IQCM: variants seen among roughly 807,000 people sequenced by gnomAD.
IQCM encodes the protein IQ domain-containing protein M.
A neutral mutation model predicts 57.6 loss-of-function variants in IQCM; 45 were observed. The observed-to-expected ratio is 0.78, with a 90% CI of 0.62 to 1.00. IQCM has a LOEUF of 1.00. Ranked by LOEUF, IQCM falls within the 50% of genes least tolerant of loss-of-function variation. IQCM has a pLI of 0.00. For synonymous variants in IQCM, 148 were observed against 158.9 expected (o/e 0.93, Z 0.51); for missense variants, 468 against 511.6 (o/e 0.91, Z 0.82).
rs375473957 is a variant in IQCM, at chr4:149,626,087, A to T, written c.566-4843T>A. Among the ~76,000 whole-genome samples the T allele has an allele frequency of 1.6e-4, 25 of 152,114 alleles. 1 individual carries two copies. In the East Asian group the frequency reaches 3.1e-3, roughly 19 times the overall value. ...GGTGTGTCTGTGAGGGTGTTGCCAA[A>T]AGAGATTAGCATTTGAGTCAGTGGG... On this transcript the variant is annotated intron_variant, in intron 7 of 13. Transcript: ENST00000636793.
chr4:149,765,033 A>G (rs150259209), intron 2 of IQCM, among the ~76,000 whole-genome samples: 290 of 152,260 alleles, frequency 1.9e-3, no homozygotes, highest in African/African-American at 6.6e-3. Flanking sequence ...AGCGCTAGAC[A>G]TAGAAAAAAA....
intron 7 of IQCM, among the ~76,000 whole-genome samples, chr4:149,658,124 G>A (rs1759802147): frequency 2.0e-5 from 3 of 151,976 alleles, no homozygotes; most frequent in Admixed American, 2.0e-4. Flanking sequence ...TTATCTTCTA[G>A]TACTTTGATA....
intron 12 of IQCM, among the ~76,000 whole-genome samples, chr4:149,547,634 G>T (rs555438239): frequency 6.6e-6 from 1 of 152,148 alleles, no homozygotes; most frequent in Non-Finnish European, 1.5e-5. Context: ...TAGGAGAAGA[G>T]TTCTTATGTG....
chr4:149,408,385 T>C (rs757256578), intron 13 of IQCM, among the ~76,000 whole-genome samples: 136 of 152,312 alleles, frequency 8.9e-4, no homozygotes, highest in Non-Finnish European at 1.1e-3. Context: ...TCCTGAAAGC[T>C]ACAAGAGCTT....
At chr4:149,378,916 G>C (rs1730882487) in intron 13 of IQCM, among the ~76,000 whole-genome samples, 1 of 152,148 alleles carries the variant, frequency 6.6e-6, no homozygotes. Flanking sequence ...CATGGGCTGG[G>C]CCTATGGTCC....
intron 12 of IQCM, among the ~76,000 whole-genome samples, chr4:149,492,751 A>G (rs754302189): frequency 4.6e-5 from 7 of 152,144 alleles, no homozygotes; most frequent in Non-Finnish European, 7.4e-5. Context: ...TCCCCTTAGC[A>G]CAGATGCAAC....
intron 9 of IQCM, 58 bp downstream of exon 9, chr4:149,587,872 T>G (rs1476005419): frequency 1.3e-6 from 1 of 796,266 alleles, no homozygotes. Flanking sequence ...GCAATTACAT[T>G]GATAACAACA....
Position 149,553,273 on chromosome 4 carries a change from T to C in IQCM, c.963A>G (p.Gly321=), listed in dbSNP as rs1034468264. Residue 321 remains glycine, a synonymous_variant, in exon 11 of 14, where the codon GGA becomes GGG. Coordinates refer to ENST00000636793, the MANE Select transcript of IQCM (RefSeq NM_001363507.2). The part of the protein sequence containing the change: ...QRVMTKALDH[G]PDMKAVINMY... Reference sequence around the variant, plus strand: ...TGTTAATAACTGCTTTCATATCTGGTCCATGATCCAAAGCCTACAAAGACA... The same window carrying C: ...TGTTAATAACTGCTTTCATATCTGGCCCATGATCCAAAGCCTACAAAGACA... 8.5e-5 allele frequency: 105 copies of C among 1,231,820 alleles called. No homozygotes were observed. Among genetic ancestry groups the C allele is most frequent in the Non-Finnish European group, 1.1e-4 (104 of 987,816 alleles). The allele number at this position is 1,231,820 out of a possible 1,614,324, so 76.3% of individuals were successfully genotyped here. A position where few individuals can be genotyped will look rare whatever the true frequency, so the allele number is the denominator to read the frequency against.
At chr4:149,795,267 G>T (rs745474312) in intron 2 of IQCM, among the ~76,000 whole-genome samples, 1 of 152,162 alleles carries the variant, frequency 6.6e-6, no homozygotes, top group Non-Finnish European at 1.5e-5. Flanking sequence ...GCTGTGGAGA[G>T]CACTTCTGTG....
chr4:149,773,660 T>C (rs1770805944), intron 2 of IQCM, among the ~76,000 whole-genome samples: 1 of 152,204 alleles, frequency 6.6e-6, no homozygotes, highest in African/African-American at 2.4e-5. Context: ...TAGTGATTCT[T>C]CTCAGCCACT....
chr4:149,415,955 G>A (rs975950194), intron 13 of IQCM, among the ~76,000 whole-genome samples: 2 of 152,110 alleles, frequency 1.3e-5, no homozygotes, highest in Admixed American at 1.3e-4. Flanking sequence ...TAATGTAAAT[G>A]ATGAGTTAAT....
intron 2 of IQCM, among the ~76,000 whole-genome samples, chr4:149,749,260 A>C (rs1768210196): frequency 6.6e-6 from 1 of 152,228 alleles, no homozygotes; most frequent in African/African-American, 2.4e-5. Flanking sequence ...TGATCATAGC[A>C]GTGCTATTTG....
At chr4:149,519,149 A>G (rs1263064084) in intron 12 of IQCM, among the ~76,000 whole-genome samples, 1 of 152,188 alleles carries the variant, frequency 6.6e-6, no homozygotes, top group African/African-American at 2.4e-5. Flanking sequence ...AAGCAAATAA[A>G]TAAGAGCAGC....
intron 2 of IQCM, among the ~76,000 whole-genome samples, chr4:149,772,257 G>A (rs898468147): frequency 6.6e-6 from 1 of 151,788 alleles, no homozygotes; most frequent in Non-Finnish European, 1.5e-5. Flanking sequence ...ATAAATAAAT[G>A]GAATATTACA....
At chr4:149,551,872 A>T (rs1749067546) in intron 11 of IQCM, among the ~76,000 whole-genome samples, 1 of 65,382 alleles carries the variant, frequency 1.5e-5, no homozygotes, top group Non-Finnish European at 2.9e-5. Flanking sequence ...CTTCTCTATC[A>T]CTGCCTCTCT....
At chr4:149,620,473 G>A (rs1289786395) in intron 8 of IQCM, among the ~76,000 whole-genome samples, 5 of 152,230 alleles carry the variant, frequency 3.3e-5, no homozygotes, top group African/African-American at 1.2e-4. Context: ...TGTGGGAGAT[G>A]TAAGAAACCC....
At chr4:149,595,356 C>T (rs1030501528) in intron 8 of IQCM, among the ~76,000 whole-genome samples, 9 of 151,978 alleles carry the variant, frequency 5.9e-5, no homozygotes, top group African/African-American at 1.9e-4. Context: ...GGGATTTTCT[C>T]GGTTTTAAAC....
intron 2 of IQCM, among the ~76,000 whole-genome samples, chr4:149,793,203 AT>A (rs1772802762): frequency 6.6e-6 from 1 of 152,212 alleles, no homozygotes; most frequent in East Asian, 1.9e-4. Context: ...GAATCCATGC[AT>A]TTATACCCAA....
chr4:149,431,571 G>A (rs895902352), intron 13 of IQCM, among the ~76,000 whole-genome samples: 4 of 151,726 alleles, frequency 2.6e-5, no homozygotes, highest in African/African-American at 7.3e-5. Flanking sequence ...TTATGTCATC[G>A]CTATCATAAT....
Sources: gnomAD v4.1 joint callset for allele counts (sites outside exome capture counted in the v4.1 genomes callset) on GRCh38, gnomAD v4.1.1 for gene constraint, MANE v1.5 for transcripts, NCBI Gene and HGNC (gene_info 2026-07-23, HGNC 2026-07-21) for gene names.